Variants in DNAAF9 observed in about 807,000 individuals in gnomAD.
The protein encoded by DNAAF9 is shulin.
A neutral mutation model predicts 167.0 loss-of-function variants in DNAAF9; 90 were observed. The observed-to-expected ratio is 0.54, with a 90% CI of 0.45 to 0.64. The LOEUF is 0.64. Ranked by LOEUF, DNAAF9 falls within the 30% of genes least tolerant of loss-of-function variation. DNAAF9 has a pLI of 0.00. For missense variants in DNAAF9, 1,315 were observed against 1,442.2 expected, an observed-to-expected ratio of 0.91 and a Z score of 1.43; for synonymous variants, 491 against 508.8, an observed-to-expected ratio of 0.96 and a Z score of 0.47.
At chr20:3,399,294 C>G (rs1332938852) in intron 1 of DNAAF9, among the ~76,000 whole-genome samples, 1 of 152,088 alleles carries the variant, frequency 6.6e-6, no homozygotes, top group Non-Finnish European at 1.5e-5. Context: ...TCTCGGCTCA[C>G]TGCAACCAAG....
At chr20:3,263,494 G>T (rs1369403715) in intron 31 of DNAAF9, among the ~76,000 whole-genome samples, 1 of 152,166 alleles carries the variant, frequency 6.6e-6, no homozygotes. Flanking sequence ...ATGCCTAAGA[G>T]AAAAAGCTCT....
intron 1 of DNAAF9, among the ~76,000 whole-genome samples, chr20:3,387,766 G>A (rs567477581): frequency 2.0e-5 from 3 of 151,924 alleles, no homozygotes; most frequent in Admixed American, 6.6e-5. Flanking sequence ...AATGAAGCCA[G>A]GCAGGTGGTT....
intron 1 of DNAAF9, among the ~76,000 whole-genome samples, chr20:3,392,618 C>A (rs760304115): frequency 1.3e-5 from 2 of 152,232 alleles, no homozygotes; most frequent in Non-Finnish European, 2.9e-5. Flanking sequence ...CATCTCTGTT[C>A]TTCCCATCTT....
chr20:3,300,149 C>T lies in DNAAF9; in HGVS notation c.1783-1974G>A, dbSNP rs560962948. Among the ~76,000 whole-genome samples, 3 of 152,210 alleles carry T rather than the reference C, an allele frequency of 2.0e-5. No individual in the cohort carries two copies. The South Asian group carries it at 6.2e-4, about 32-fold the overall frequency. On this transcript the variant is annotated intron_variant, in intron 21 of 36. Transcript: ENST00000252032. ...AACTCCTGACCTCAAGTGATCTGCC[C>T]GCTTCAGCCTCTCAAAGTGCTGGAA... is the stretch of plus-strand genomic sequence containing the variant.
chr20:3,365,373 TTTTATTTATTTA>T (rs145072503), intron 6 of DNAAF9, among the ~76,000 whole-genome samples: 6 of 149,696 alleles, frequency 4.0e-5, no homozygotes, highest in Admixed American at 2.0e-4. Context: ...TTTGATAACA[TTTTATTTATTTA>T]TTTATTTATT....
chr20:3,261,940 T>C (rs2068397114), intron 31 of DNAAF9, among the ~76,000 whole-genome samples: 1 of 151,690 alleles, frequency 6.6e-6, no homozygotes, highest in Non-Finnish European at 1.5e-5. Flanking sequence ...CCAGAAAATG[T>C]GGAAGGAGGG....
chr20:3,303,114 C>T (rs149291900), intron 21 of DNAAF9, among the ~76,000 whole-genome samples: 6,731 of 151,998 alleles, frequency 0.044, 222 homozygotes, highest in African/African-American at 0.094. Context: ...TGGTGGCAGG[C>T]GCCTGTAGTC....
chr20:3,383,380 C>T (rs781249247), intron 1 of DNAAF9, among the ~76,000 whole-genome samples: 2 of 150,868 alleles, frequency 1.3e-5, no homozygotes, highest in Non-Finnish European at 3.0e-5. Context: ...GTGATTCTCC[C>T]GCCTCAGCCT....
At chr20:3,334,254 G>A (rs543947309) in intron 10 of DNAAF9, among the ~76,000 whole-genome samples, 23 of 152,242 alleles carry the variant, frequency 1.5e-4, no homozygotes, top group Non-Finnish European at 2.6e-4. Flanking sequence ...ACCCACTGCC[G>A]CCTCAGCTCC....
At chr20:3,362,059 T>C in intron 6 of DNAAF9, 1 of 1,434,490 alleles carries the variant, frequency 7.0e-7, no homozygotes, top group Non-Finnish European at 9.7e-7. Flanking sequence ...CCATTCATAT[T>C]AATTTTTTGT....
chr20:3,340,744 C>A, intron 9 of DNAAF9, 105 bp from the exon 10 acceptor site: 1 of 1,072,842 alleles, frequency 9.3e-7, no homozygotes, highest in Non-Finnish European at 1.4e-6. Flanking sequence ...ACACTTGCGG[C>A]CTGAGCAAAG....
At chr20:3,254,931 T>C (rs1398508491) in intron 35 of DNAAF9, among the ~76,000 whole-genome samples, 2 of 152,218 alleles carry the variant, frequency 1.3e-5, no homozygotes, top group Non-Finnish European at 2.9e-5. Flanking sequence ...TCTTCTGCAG[T>C]TGCTTGAACA....
At chr20:3,344,640 C>CA (rs1216513996) in intron 8 of DNAAF9, among the ~76,000 whole-genome samples, 1 of 141,622 alleles carries the variant, frequency 7.1e-6, no homozygotes, top group East Asian at 2.1e-4. Context: ...CACACACACA[C>CA]CTCATGTAGT....
intron 36 of DNAAF9, among the ~76,000 whole-genome samples, chr20:3,253,050 G>A (rs951417572): frequency 6.6e-6 from 1 of 152,324 alleles, no homozygotes; most frequent in South Asian, 2.1e-4. Flanking sequence ...CAGGCTGGGC[G>A]CAGTGGCTCA....
chr20:3,354,313 G>A (rs2083257196), intron 7 of DNAAF9, among the ~76,000 whole-genome samples: 1 of 152,248 alleles, frequency 6.6e-6, no homozygotes, highest in African/African-American at 2.4e-5. Context: ...TCAGGTGGAT[G>A]GAAAGTTTAT....
intron 24 of DNAAF9, 36 bp downstream of exon 24, chr20:3,294,492 G>T: frequency 7.1e-7 from 1 of 1,408,530 alleles, no homozygotes; most frequent in African/African-American, 1.4e-5. Context: ...TCAAAAGCCA[G>T]AATATTAAAC....
chr20:3,326,727 G>A (rs540067049), intron 12 of DNAAF9, among the ~76,000 whole-genome samples: 63 of 144,626 alleles, frequency 4.4e-4, no homozygotes, highest in Admixed American at 5.7e-4. Context: ...CAGCCTGGGT[G>A]ACAGAGTGGG....
Position 3,332,167 on chromosome 20 carries a change from A to G in DNAAF9, c.1063+113T>C, listed in dbSNP as rs552270255. The G allele has an allele frequency of 3.8e-5, 24 of 634,984 alleles. No homozygotes were observed. The Middle Eastern group carries it at 7.7e-4, about 20-fold the overall frequency. 39.3% of individuals were successfully genotyped at this position (634,984 alleles called of 1,614,324 possible). A position where few individuals can be genotyped will look rare whatever the true frequency, so the allele number is the denominator to read the frequency against. ...TCAGAGAGGGAGCTGGAGGCCCACAAATTGGGTAACCTGAGCTTCCAAGCA... is the reference window on the plus strand; with the variant it reads ...TCAGAGAGGGAGCTGGAGGCCCACAGATTGGGTAACCTGAGCTTCCAAGCA... On this transcript the variant is annotated intron_variant, in intron 11 of 36. Coordinates refer to ENST00000252032, the MANE Select transcript of DNAAF9 (RefSeq NM_001009984.3).
At chr20:3,374,667 T>C (rs942791173) in intron 5 of DNAAF9, among the ~76,000 whole-genome samples, 5 of 152,378 alleles carry the variant, frequency 3.3e-5, no homozygotes, top group South Asian at 2.1e-4. Context: ...ACACATCATT[T>C]AAAAACATGT....
Sources: gnomAD v4.1 joint callset for allele counts (sites outside exome capture counted in the v4.1 genomes callset) on GRCh38, gnomAD v4.1.1 for gene constraint, MANE v1.5 for transcripts, NCBI Gene and HGNC (gene_info 2026-07-23, HGNC 2026-07-21) for gene names.